Variants in COL27A1 observed in about 807,000 individuals in gnomAD.
COL27A1 encodes collagen type XXVII alpha 1 chain.
COL27A1 carries 106 observed loss-of-function variants against 251.3 expected under a neutral mutation model. That is an observed-to-expected ratio of 0.42 (90% CI 0.36 to 0.50). The LOEUF is 0.50. Ranked by LOEUF, COL27A1 falls within the 20% of genes least tolerant of loss-of-function variation. The probability of loss-of-function intolerance (pLI) is 0.00; values close to 1 mark genes in which losing one functional copy is unlikely to be tolerated. For synonymous variants in COL27A1, 1,000 were observed against 986.3 expected, an observed-to-expected ratio of 1.01 and a Z score of -0.26; for missense variants, 2,325 against 2,522.8, an observed-to-expected ratio of 0.92 and a Z score of 1.68.
intron 37 of COL27A1, among the ~76,000 whole-genome samples, chr9:114,279,331 G>C (rs1026434015): frequency 6.6e-6 from 1 of 152,168 alleles, no homozygotes; most frequent in African/African-American, 2.4e-5. Flanking sequence ...CCAAACACTG[G>C]CGAGAATTGA....
In COL27A1 at chr9:114,199,499, G is replaced by A. The variant is rs139012480; in HGVS notation, c.2124+3487G>A. 3.6e-3 allele frequency among the ~76,000 whole-genome samples: 547 copies of A among 152,114 alleles called. 2 individuals are homozygous for A. Among genetic ancestry groups the A allele is most frequent in the Middle Eastern group, 0.01 (3 of 294 alleles). On this transcript the variant is annotated intron_variant, in intron 7 of 60. Transcript: ENST00000356083. ...CCCCATCCAATCCCGTGTACCCTGGGCCTTCCTGCCTCCCTGTGTTTGCTT... is the reference window on the plus strand; with the variant it reads ...CCCCATCCAATCCCGTGTACCCTGGACCTTCCTGCCTCCCTGTGTTTGCTT...
chr9:114,279,752 C>T (rs1835789508), intron 37 of COL27A1, among the ~76,000 whole-genome samples: 1 of 152,070 alleles, frequency 6.6e-6, no homozygotes, highest in African/African-American at 2.4e-5. Context: ...ACTCGGGAGG[C>T]TGAGGTGGGA....
Position 114,310,688 on chromosome 9 carries a change from TCCTCTGA to T in COL27A1, c.*5_*11del. On this transcript the variant is annotated frameshift_variant and stop_lost, in exon 61 of 61. Transcript: ENST00000356083. LOFTEE classifies it high-confidence loss of function. Reference sequence around the variant, plus strand: ...CGCCTGGAAGTTGGACCTGCGTGCTTCCTCTGACCTCTGACCTCGTGGCCACTCTAGG... The same window carrying T: ...CGCCTGGAAGTTGGACCTGCGTGCTTCCTCTGACCTCGTGGCCACTCTAGG... 1 of 1,614,112 alleles carries T rather than the reference TCCTCTGA, an allele frequency of 6.2e-7. No individual in the cohort carries two copies. The highest frequency in any genetic ancestry group is 8.5e-7 in the Non-Finnish European group (1 of 1,180,028).
At chr9:114,156,033 G>GC in intron 1 of COL27A1, 21 bp downstream of exon 1, 1 of 1,297,150 alleles carries the variant, frequency 7.7e-7, no homozygotes, top group Non-Finnish European at 9.8e-7. Context: ...ACTCGGGGAC[G>GC]CCCCCTCCCT....
intron 14 of COL27A1, among the ~76,000 whole-genome samples, chr9:114,223,027 C>T (rs1362930589): frequency 1.3e-5 from 2 of 152,112 alleles, no homozygotes; most frequent in Non-Finnish European, 2.9e-5. Context: ...AGGTGGGAGG[C>T]GATCTGACCT....
In COL27A1 at chr9:114,222,277, T is replaced by C. The variant is rs374540360; in HGVS notation, c.2466+10T>C. 1.0e-4 allele frequency: 165 copies of C among 1,611,362 alleles called. No individual in the cohort carries two copies. Among genetic ancestry groups the C allele is most frequent in the Non-Finnish European group, 1.3e-4 (151 of 1,178,010 alleles). On this transcript the variant is annotated intron_variant, in intron 14 of 60. Transcript: ENST00000356083. ...AGTCCCCGGCCTCATTGTAAGTACA[T>C]TGATGCCTGGGGCAGCAGGTGGGTG...
intron 12 of COL27A1, among the ~76,000 whole-genome samples, chr9:114,213,847 C>A (rs2135351418): frequency 6.6e-6 from 1 of 152,314 alleles, no homozygotes; most frequent in Middle Eastern, 3.4e-3. Context: ...CTGTCTGCTT[C>A]CTTGCTTCTT....
At chr9:114,171,931 G>A (rs957059830) in intron 3 of COL27A1, among the ~76,000 whole-genome samples, 10 of 152,132 alleles carry the variant, frequency 6.6e-5, no homozygotes, top group African/African-American at 1.7e-4. Context: ...AAAGGACCCC[G>A]CCAAAGGCTC....
intron 49 of COL27A1, among the ~76,000 whole-genome samples, chr9:114,294,162 C>T (rs990210542): frequency 3.4e-5 from 5 of 148,168 alleles, no homozygotes; most frequent in African/African-American, 7.5e-5. Flanking sequence ...GCAGGAGAAT[C>T]GCTTGAACCT....
chr9:114,158,377 T>C (rs931792874), intron 1 of COL27A1, among the ~76,000 whole-genome samples: 2 of 152,224 alleles, frequency 1.3e-5, no homozygotes, highest in Admixed American at 1.3e-4. Context: ...GGCAGTGTGG[T>C]TACCCAGGAG....
At chr9:114,256,356 G>A (rs1306409883) in intron 27 of COL27A1, among the ~76,000 whole-genome samples, 3 of 152,332 alleles carry the variant, frequency 2.0e-5, no homozygotes, top group African/African-American at 7.2e-5. Context: ...AGCCGGGCAT[G>A]GCGGCGGGCA....
At chr9:114,288,677 T>C in intron 42 of COL27A1, 25 bp from the exon 43 acceptor site, 1 of 1,602,208 alleles carries the variant, frequency 6.2e-7, no homozygotes. Flanking sequence ...GTGGCCCAAA[T>C]TTTGCTGTTG....
intron 14 of COL27A1, among the ~76,000 whole-genome samples, chr9:114,230,815 G>C (rs113362598): frequency 0.049 from 7,447 of 152,314 alleles, 232 homozygotes; most frequent in South Asian, 0.077. Context: ...AGATATAGGA[G>C]AGAAATATTG....
At chr9:114,202,462 T>C (rs928792474) in intron 7 of COL27A1, among the ~76,000 whole-genome samples, 6 of 152,186 alleles carry the variant, frequency 3.9e-5, no homozygotes, top group Non-Finnish European at 5.9e-5. Context: ...CATTCAGCTC[T>C]TCACTGGGAA....
chr9:114,267,267 C>A (rs575259773), intron 33 of COL27A1, among the ~76,000 whole-genome samples: 1 of 152,134 alleles, frequency 6.6e-6, no homozygotes, highest in Non-Finnish European at 1.5e-5. Context: ...ACTTGTGGGG[C>A]GGGAGAAGGC....
At chr9:114,238,502 C>T (rs1214102823) in intron 19 of COL27A1, among the ~76,000 whole-genome samples, 2 of 152,212 alleles carry the variant, frequency 1.3e-5, no homozygotes, top group Non-Finnish European at 2.9e-5. Context: ...CATGAGGTCT[C>T]TGCATCCAAG....
Position 114,306,711 on chromosome 9 carries a change from G to T in COL27A1, c.5107+23G>T, listed in dbSNP as rs769517004. On this transcript the variant is annotated intron_variant, in intron 58 of 60. Coordinates refer to ENST00000356083, the MANE Select transcript of COL27A1 (RefSeq NM_032888.4). ...ATGGTGAGAAGGCTTCCTGCCGGGG[G>T]TGGGTGCGCCTGGCGGTGGGGAGCT... 3 of 1,607,416 alleles carry T rather than the reference G, an allele frequency of 1.9e-6. No individual in the cohort carries two copies. The African/African-American group carries it at 4.0e-5, about 22-fold the overall frequency.
At chr9:114,303,916 G>A (rs1828845351) in intron 56 of COL27A1, among the ~76,000 whole-genome samples, 1 of 152,236 alleles carries the variant, frequency 6.6e-6, no homozygotes, top group Non-Finnish European at 1.5e-5. Flanking sequence ...CAGAAGCTTC[G>A]GGAGAGGCTT....
intron 16 of COL27A1, among the ~76,000 whole-genome samples, chr9:114,234,912 CAA>C (rs999381150): frequency 2.6e-4 from 28 of 105,674 alleles, no homozygotes; most frequent in African/African-American, 5.0e-4. Context: ...ACTAAAAATA[CAA>C]AAAAAAAAAA....
Sources: allele counts gnomAD v4.1 joint callset (sites outside exome capture counted in the v4.1 genomes callset), GRCh38; gene constraint gnomAD v4.1.1; transcripts MANE v1.5; gene names NCBI Gene and HGNC (gene_info 2026-07-23, HGNC 2026-07-21).